The following NEMP2 variants were observed in gnomAD, a reference collection of about 807,000 sequenced individuals.
NEMP2 encodes the protein nuclear envelope integral membrane protein 2.
NEMP2 carries 53 observed loss-of-function variants against 54.2 expected under a neutral mutation model. The observed-to-expected ratio is 0.98, with a 90% CI of 0.78 to 1.23. The LOEUF (loss-of-function observed/expected upper bound fraction) is 1.23, where lower values mean the gene tolerates loss of function less well. Ranked by LOEUF, NEMP2 falls within the 50% of genes most tolerant of loss-of-function variation. The pLI, the probability that NEMP2 is intolerant of heterozygous loss-of-function variation, is 0.00. For synonymous variants in NEMP2, 197 were observed against 190.3 expected (o/e 1.04, Z -0.29); for missense variants, 455 against 511.3 (o/e 0.89, Z 1.06).
chr2:190,535,929 A>G (rs1691361979), upstream of NEMP2: 1 of 152,206 alleles, frequency 6.6e-6, no homozygotes, highest in Non-Finnish European at 1.5e-5. Context: ...ACCTAACCAC[A>G]TTCATTTTGA....
chr2:190,615,871 T>C, the NEMP2 span, among the ~76,000 whole-genome samples: 3 of 152,186 alleles, frequency 2.0e-5, no homozygotes, highest in Non-Finnish European at 2.9e-5. This position sits in a 1 kb window ranked among gnomAD's most constrained non-coding sequence, Gnocchi z 4.7. Context: ...TCCTCTTGCT[T>C]GCTTTGGTCT....
chr2:190,511,435 C>G (rs1198283155), intron 7 of NEMP2, among the ~76,000 whole-genome samples: 1 of 151,836 alleles, frequency 6.6e-6, no homozygotes, highest in Middle Eastern at 3.4e-3. Context: ...CCAAGAAAAT[C>G]CTAAATCTCA....
At chr2:190,633,433 C>G in the NEMP2 span, among the ~76,000 whole-genome samples, 2 of 151,730 alleles carry the variant, frequency 1.3e-5, no homozygotes, top group African/African-American at 4.8e-5. Flanking sequence ...CTCGCCTCAG[C>G]CTCCTGAGTA....
the NEMP2 span, among the ~76,000 whole-genome samples, chr2:190,446,817 G>A: frequency 6.6e-6 from 1 of 152,170 alleles, no homozygotes; most frequent in Non-Finnish European, 1.5e-5. Flanking sequence ...TGGCTTTAAA[G>A]CTGAGCTTAA....
Position 190,510,836 on chromosome 2 carries a change from G to C in NEMP2, c.954-299C>G, listed in dbSNP as rs540414932. On this transcript the variant is annotated intron_variant, in intron 7 of 8. Transcript: ENST00000409150. The surrounding 1 kb of genome is among the most constrained non-coding windows in gnomAD (Gnocchi z 5.7). ...GCAGAGGTTGCAGTAAGCCGAGATC[G>C]CGCCACTGCACTCCAGCCTGGGCGA... 6.7e-6 allele frequency among the ~76,000 whole-genome samples: 1 copy of C among 150,158 alleles called. No homozygotes were observed. Among genetic ancestry groups the C allele is most frequent in the East Asian group, 2.0e-4 (1 of 5,088 alleles).
chr2:190,484,537 T>C, the NEMP2 span, among the ~76,000 whole-genome samples: 1 of 151,638 alleles, frequency 6.6e-6, no homozygotes, highest in Admixed American at 6.6e-5. Flanking sequence ...TGGCGGAGGG[T>C]TTTCAAGTTT....
At chr2:190,467,707 G>A in the NEMP2 span, among the ~76,000 whole-genome samples, 10 of 152,190 alleles carry the variant, frequency 6.6e-5, no homozygotes, top group South Asian at 8.3e-4. The surrounding 1 kb of genome is among the most constrained non-coding windows in gnomAD (Gnocchi z 5.5). Flanking sequence ...TATATGGCCC[G>A]TGAACTAAGA....
At chr2:190,436,223 A>G in the NEMP2 span, 171 of 1,614,004 alleles carry the variant, frequency 1.1e-4, 1 homozygote, top group Non-Finnish European at 8.7e-5. The surrounding 1 kb of genome is among the most constrained non-coding windows in gnomAD (Gnocchi z 5.3). Context: ...GTTAAGATAA[A>G]CAACGATCTT....
Position 190,518,807 on chromosome 2 carries a change from G to C in NEMP2, c.447C>G (p.Ile149Met). The C allele has an allele frequency of 6.5e-7, 1 of 1,542,984 alleles. No individual in the cohort carries two copies. Among genetic ancestry groups the C allele is most frequent in the Non-Finnish European group, 8.7e-7 (1 of 1,145,098 alleles). ...FNYMIHVNRN[I>M]MDFKLFLVFV... ...ACACAAGGAAGAGTTTGAAATCCAT[G>C]ACTGGAGTAAAAAAGACACACAAAC... Residue 149 changes from isoleucine (I) to methionine (M), a missense_variant and splice_region_variant, in exon 4 of 9, where the codon ATC becomes ATG. Physicochemically the swap from Ile to Met is conservative, Grantham distance 10. Coordinates refer to ENST00000409150, the MANE Select transcript of NEMP2 (RefSeq NM_001142645.2).
chr2:190,437,064 G>T, the NEMP2 span: 4 of 1,614,234 alleles, frequency 2.5e-6, no homozygotes, highest in South Asian at 1.1e-5. The surrounding 1 kb of genome is among the most constrained non-coding windows in gnomAD (Gnocchi z 5.9). Context: ...TGGGCATCGG[G>T]ATCGACTACA....
rs1291215785 is a variant in NEMP2 at position 190,527,450 on chromosome 2, C to T, written c.98-2072G>A. 2.0e-5 allele frequency among the ~76,000 whole-genome samples: 3 copies of T among 152,088 alleles called. No homozygotes were observed. The highest frequency in any genetic ancestry group is 4.8e-5 in the African/African-American group (2 of 41,392). ...AAGGGAGGGTTTTCCGGTGGCCACA[C>T]GAAGCAGCAAAATTACACAAGGACC... On this transcript the variant is annotated intron_variant, in intron 1 of 8. Transcript: ENST00000409150. The surrounding 1 kb of genome is among the most constrained non-coding windows in gnomAD (Gnocchi z 4.0).
At position 190,533,902 on chromosome 2, in the gene NEMP2, G is replaced by C. The variant is rs912608966; in HGVS notation, c.97+657C>G. 1.1e-6 allele frequency: 1 copy of C among 892,384 alleles called. No homozygotes were observed. The highest frequency in any genetic ancestry group is 1.3e-6 in the Non-Finnish European group (1 of 745,176). The allele number at this position is 892,384 out of a possible 1,614,324, so 55.3% of individuals were successfully genotyped here. A position where few individuals can be genotyped will look rare whatever the true frequency, so the allele number is the denominator to read the frequency against. On this transcript the variant is annotated intron_variant, in intron 1 of 8. Transcript: ENST00000409150. This position sits in a 1 kb window ranked among gnomAD's most constrained non-coding sequence, Gnocchi z 4.3. ...CTTCCCCAGTGTGCCAGCATCTTAAGCCCACTCCGTGGCGAGCCCCTACAG... is the reference window on the plus strand; with the variant it reads ...CTTCCCCAGTGTGCCAGCATCTTAACCCCACTCCGTGGCGAGCCCCTACAG...
At position 190,525,456 on chromosome 2, in the gene NEMP2, G is replaced by T. The variant is rs1690900005; in HGVS notation, c.98-78C>A. ...TTTTTTAAAAAAAGTTTGCAGGGAG[G>T]TAACAGTAGCAGTTTTAACGTTCTA... On this transcript the variant is annotated intron_variant, in intron 1 of 8. Coordinates refer to ENST00000409150, the MANE Select transcript of NEMP2 (RefSeq NM_001142645.2). This position sits in a 1 kb window ranked among gnomAD's most constrained non-coding sequence, Gnocchi z 5.0. 1.3e-5 allele frequency: 10 copies of T among 750,000 alleles called. 1 individual carries two copies. The highest frequency in any genetic ancestry group is 2.7e-5 in the East Asian group (1 of 36,610). 46.5% of individuals were successfully genotyped at this position (750,000 alleles called of 1,614,324 possible).
chr2:190,648,588 A>T, the NEMP2 span: 1 of 150,086 alleles, frequency 6.7e-6, no homozygotes, highest in African/African-American at 2.4e-5. Flanking sequence ...GCTCTTTGAA[A>T]TACTATATCG....
In NEMP2 at chr2:190,517,582, C is replaced by T. The variant is rs1690606519; in HGVS notation, c.550G>A (p.Val184Met). The part of the protein sequence containing the change: ...SPTFYYSSGT[V>M]LGVLMTLVFV... Reference sequence around the variant, plus strand: ...ACTAATGTCATTAGAACACCTAGCACAGTTCCCGAGGAGTAATAGAAAGTA... The same window carrying T: ...ACTAATGTCATTAGAACACCTAGCATAGTTCCCGAGGAGTAATAGAAAGTA... Residue 184 changes from valine (V) to methionine (M), a missense_variant, in exon 5 of 9, where the codon GTG becomes ATG. This residue lies in a region of NEMP2 where 294 missense variants were observed against 333.6 expected (regional missense o/e 0.88). Transcript: ENST00000409150. 1.3e-6 allele frequency: 2 copies of T among 1,550,264 alleles called. No individual in the cohort carries two copies. Among genetic ancestry groups the T allele is most frequent in the African/African-American group, 1.4e-5 (1 of 72,952 alleles).
At chr2:190,542,143 T>C in the NEMP2 span, among the ~76,000 whole-genome samples, 25,436 of 152,250 alleles carry the variant, frequency 0.17, 2,303 homozygotes, top group Middle Eastern at 0.23. The surrounding 1 kb of genome is among the most constrained non-coding windows in gnomAD (Gnocchi z 4.6). Flanking sequence ...TTTTCTGTTA[T>C]TATTTCTCTG....
chr2:190,473,724 T>TA, the NEMP2 span, among the ~76,000 whole-genome samples: 3 of 152,214 alleles, frequency 2.0e-5, no homozygotes, highest in African/African-American at 7.2e-5. Flanking sequence ...GTGGACCTAA[T>TA]AGACATCTAC....
the NEMP2 span, among the ~76,000 whole-genome samples, chr2:190,470,970 A>G: frequency 1.9e-3 from 294 of 152,228 alleles, 1 homozygote; most frequent in African/African-American, 6.7e-3. Context: ...GTAAAAGGAG[A>G]TTCTGTTTAC....
chr2:190,565,543 T>C, the NEMP2 span, among the ~76,000 whole-genome samples: 3 of 152,180 alleles, frequency 2.0e-5, no homozygotes, highest in Non-Finnish European at 2.9e-5. Flanking sequence ...GGATACAGAA[T>C]TGGACAAAAA....
Sources: gnomAD v4.1 joint callset for allele counts (sites outside exome capture counted in the v4.1 genomes callset) on GRCh38, gnomAD v4.1.1 for gene constraint, gnomAD v4.1.1 regional missense constraint, Gnocchi (gnomAD v3.1) non-coding constraint, MANE v1.5 for transcripts, NCBI Gene and HGNC (gene_info 2026-07-23, HGNC 2026-07-21) for gene names.